The following CTTNBP2NL variants were observed in gnomAD, a reference collection of about 807,000 sequenced individuals.
The protein encoded by CTTNBP2NL is CTTNBP2 N-terminal like, also known as CTTNBP2 N-terminal-like protein.
CTTNBP2NL carries 16 observed loss-of-function variants against 32.5 expected under a neutral mutation model. The ratio of observed to expected loss-of-function variants is 0.49; its 90% CI spans 0.33 to 0.75. The LOEUF (loss-of-function observed/expected upper bound fraction) is 0.75, where lower values mean the gene tolerates loss of function less well. Ranked by LOEUF, CTTNBP2NL falls within the 30% of genes least tolerant of loss-of-function variation. The pLI is 0.02. For synonymous variants in CTTNBP2NL, 298 were observed against 289.4 expected (o/e 1.03, Z -0.30); for missense variants, 645 against 756.0 (o/e 0.85, Z 1.72).
chr1:112,416,906 AAATAT>A lies in CTTNBP2NL; in HGVS notation c.99+648_99+652del, dbSNP rs1203161526. 2.0e-5 allele frequency among the ~76,000 whole-genome samples: 3 copies of A among 152,142 alleles called. No homozygotes were observed. The East Asian group carries it at 5.8e-4, about 29-fold the overall frequency. On this transcript the variant is annotated intron_variant, in intron 3 of 5. Transcript: ENST00000271277. ...ACATACATCCATATATCAAAATTTG[AAATAT>A]AATATCTGGGAGATCAAGGATCCCA...
chr1:112,448,701 A>G (rs1373861733), intron 3 of CTTNBP2NL, among the ~76,000 whole-genome samples: 3 of 152,194 alleles, frequency 2.0e-5, no homozygotes, highest in African/African-American at 7.2e-5. Flanking sequence ...TAAACAAGTT[A>G]ATCTGACTAT....
intron 3 of CTTNBP2NL, among the ~76,000 whole-genome samples, chr1:112,433,905 CTTT>C (rs761769737): frequency 7.2e-6 from 1 of 139,620 alleles, no homozygotes. Context: ...TCCTTTGTGG[CTTT>C]TTTTTTTTTT....
intron 3 of CTTNBP2NL, among the ~76,000 whole-genome samples, chr1:112,444,504 T>C (rs190580395): frequency 6.0e-4 from 92 of 152,328 alleles, no homozygotes; most frequent in Non-Finnish European, 1.0e-3. Context: ...TAGTGTGCTC[T>C]GGCTGCTGTG....
intron 2 of CTTNBP2NL, among the ~76,000 whole-genome samples, chr1:112,412,981 T>C (rs1434636017): frequency 1.3e-5 from 2 of 152,154 alleles, no homozygotes; most frequent in Non-Finnish European, 2.9e-5. Context: ...CAGAAGTGAT[T>C]TATAAACACA....
In CTTNBP2NL at chr1:112,429,550, A is replaced by T. The variant is rs55835005; in HGVS notation, c.99+13286A>T. ...TCTTAAAAAAATGCATGTATCTAGAAGAAATTTCACTTCTAGAAATTTCTG... is the reference window on the plus strand; with the variant it reads ...TCTTAAAAAAATGCATGTATCTAGATGAAATTTCACTTCTAGAAATTTCTG... On this transcript the variant is annotated intron_variant, in intron 3 of 5. Transcript: ENST00000271277. Among the ~76,000 whole-genome samples, 25 of 152,166 alleles carry T rather than the reference A, an allele frequency of 1.6e-4. No individual in the cohort carries two copies. In the East Asian group the frequency reaches 2.3e-3, roughly 14 times the overall value.
At position 112,449,263 on chromosome 1, in the gene CTTNBP2NL, A is replaced by G. The variant is rs574644690; in HGVS notation, c.330+91A>G. On this transcript the variant is annotated intron_variant, in intron 4 of 5. Transcript: ENST00000271277. ...TTGTCAGCTGCCAGTTTTTCACAGT[A>G]ATTCAATTGGGACATCTCACGGGTA... 7.2e-5 allele frequency: 51 copies of G among 705,776 alleles called. No homozygotes were observed. The African/African-American group carries it at 8.5e-4, about 12-fold the overall frequency. 43.7% of individuals were successfully genotyped at this position (705,776 alleles called of 1,614,324 possible). A position where few individuals can be genotyped will look rare whatever the true frequency, so the allele number is the denominator to read the frequency against.
At chr1:112,416,079 C>G (rs920333891) in intron 2 of CTTNBP2NL, 78 bp from the exon 3 acceptor site, 74 of 775,796 alleles carry the variant, frequency 9.5e-5, no homozygotes, top group Admixed American at 5.1e-4. Flanking sequence ...TTGCTCTTAT[C>G]TCTCACTTTA....
chr1:112,434,914 G>A (rs367826016), intron 3 of CTTNBP2NL, among the ~76,000 whole-genome samples: 4 of 152,112 alleles, frequency 2.6e-5, no homozygotes, highest in Admixed American at 6.5e-5. Flanking sequence ...AGGCCGAGGC[G>A]GGTGGATCAT....
At chr1:112,429,697 T>C (rs541184631) in intron 3 of CTTNBP2NL, among the ~76,000 whole-genome samples, 15 of 152,244 alleles carry the variant, frequency 9.9e-5, no homozygotes, top group African/African-American at 3.6e-4. Flanking sequence ...CTAGAAACAA[T>C]TTAGTGTCTC....
At chr1:112,405,697 A>G (rs11102472) in intron 1 of CTTNBP2NL, among the ~76,000 whole-genome samples, 49,764 of 152,092 alleles carry the variant, frequency 0.33, 8,729 homozygotes, top group East Asian at 0.55. Flanking sequence ...TCTTTTCTTC[A>G]ATATACATAT....
chr1:112,394,187 A>G (rs145091022), upstream of CTTNBP2NL, among the ~76,000 whole-genome samples: 2,078 of 150,374 alleles, frequency 0.014, 54 homozygotes, highest in African/African-American at 0.048. Context: ...TGGGAGACAG[A>G]GCGAGACTCC....
At chr1:112,440,216 C>G (rs1205512003) in intron 3 of CTTNBP2NL, among the ~76,000 whole-genome samples, 1 of 152,194 alleles carries the variant, frequency 6.6e-6, no homozygotes, top group African/African-American at 2.4e-5. Flanking sequence ...TTGTTTAACC[C>G]TGATAACACA....
At chr1:112,397,524 C>G (rs1449109583) in intron 1 of CTTNBP2NL, among the ~76,000 whole-genome samples, 1 of 152,128 alleles carries the variant, frequency 6.6e-6, no homozygotes, top group Non-Finnish European at 1.5e-5. Flanking sequence ...ATTTTTAAAT[C>G]TCAGAGATAA....
At position 112,456,514 on chromosome 1, in the gene CTTNBP2NL, C is replaced by T; in HGVS notation, c.1022C>T (p.Pro341Leu). Residue 341 changes from proline to leucine, a missense_variant, in exon 6 of 6, where the codon CCT becomes CTT. Transcript: ENST00000271277. ...ACTGGGCTGCCTGGTCCTGCCACTC[C>T]TGCTTACTCATATGCAAAAACCAAT... The part of the protein sequence containing the change: ...TNTGLPGPAT[P>L]AYSYAKTNGH... 1.9e-6 allele frequency: 3 copies of T among 1,614,196 alleles called. No homozygotes were observed. Among genetic ancestry groups the T allele is most frequent in the Non-Finnish European group, 2.5e-6 (3 of 1,180,028 alleles).
At position 112,459,530 on chromosome 1, in the gene CTTNBP2NL, A is replaced by C. The variant is rs568301727; in HGVS notation, c.*2118A>C. On this transcript the variant is annotated 3_prime_UTR_variant, in exon 6 of 6. Transcript: ENST00000271277. Reference sequence around the variant, plus strand: ...TAAATCACAATGGAGTATATTGGCAACTCCACAGCTTATAGTTTGATAAAG... The same window carrying C: ...TAAATCACAATGGAGTATATTGGCACCTCCACAGCTTATAGTTTGATAAAG... 2.6e-5 allele frequency: 4 copies of C among 152,174 alleles called. No homozygotes were observed. The highest frequency in any genetic ancestry group is 9.7e-5 in the African/African-American group (4 of 41,430). The allele number at this position is 152,174 out of a possible 1,614,324, so 9.4% of individuals were successfully genotyped here. A position where few individuals can be genotyped will look rare whatever the true frequency, so the allele number is the denominator to read the frequency against.
chr1:112,425,949 TG>T (rs1649379639), intron 3 of CTTNBP2NL, among the ~76,000 whole-genome samples: 1 of 142,970 alleles, frequency 7.0e-6, no homozygotes, highest in African/African-American at 2.6e-5. Flanking sequence ...CTTTCTAATC[TG>T]GATGCCGTGT....
intron 1 of CTTNBP2NL, chr1:112,396,643 C>T (rs1346194893): frequency 2.0e-5 from 3 of 152,216 alleles, no homozygotes; most frequent in Admixed American, 6.5e-5. Flanking sequence ...GAAGGCCAAA[C>T]ATCCCTCCCT....
At chr1:112,434,924 T>C (rs1328445125) in intron 3 of CTTNBP2NL, among the ~76,000 whole-genome samples, 1 of 151,882 alleles carries the variant, frequency 6.6e-6, no homozygotes, top group Non-Finnish European at 1.5e-5. Context: ...GGGTGGATCA[T>C]CTGAGGTCAG....
At chr1:112,397,710 A>G (rs1409120928) in intron 1 of CTTNBP2NL, among the ~76,000 whole-genome samples, 2 of 152,150 alleles carry the variant, frequency 1.3e-5, no homozygotes, top group African/African-American at 4.8e-5. Flanking sequence ...GCGCTTTTAT[A>G]TATTAAAATT....
Sources: gnomAD v4.1 joint callset for allele counts (sites outside exome capture counted in the v4.1 genomes callset) on GRCh38, gnomAD v4.1.1 for gene constraint, MANE v1.5 for transcripts, NCBI Gene and HGNC (gene_info 2026-07-23, HGNC 2026-07-21) for gene names.